ADD2: variants seen among roughly 807,000 people sequenced by gnomAD.
ADD2 encodes adducin 2, also known as beta-adducin.
ADD2 carries 23 observed loss-of-function variants against 83.0 expected under a neutral mutation model. The ratio of observed to expected loss-of-function variants is 0.28; its 90% CI spans 0.20 to 0.39. The LOEUF (loss-of-function observed/expected upper bound fraction) is 0.39, where lower values mean the gene tolerates loss of function less well. ADD2 is among the 10% of genes least tolerant of loss of function. ADD2 has a pLI of 1.00. For synonymous variants in ADD2, 375 were observed against 375.4 expected (o/e 1.00, Z 0.01); for missense variants, 758 against 944.9 (o/e 0.80, Z 2.59).
chr2:70,676,276 A>G lies in ADD2; in HGVS notation c.1593+520T>C, dbSNP rs577921768. The G allele has an allele frequency of 7.9e-5, 79 of 994,258 alleles. No individual in the cohort carries two copies. The African/African-American group carries it at 9.9e-4, about 12-fold the overall frequency. 61.6% of individuals were successfully genotyped at this position (994,258 alleles called of 1,614,324 possible). A position where few individuals can be genotyped will look rare whatever the true frequency, so the allele number is the denominator to read the frequency against. On this transcript the variant is annotated intron_variant, in intron 13 of 15. Transcript: ENST00000264436. This position sits in a 1 kb window ranked among gnomAD's most constrained non-coding sequence, Gnocchi z 4.8. The stretch of plus-strand genomic sequence containing the variant: ...AACAATTACAATACTTTCTAACTCA[A>G]TGTGGGTTTGTGTGGGTAATATTGT...
chr2:70,762,212 A>G (rs1359961388), intron 1 of ADD2, among the ~76,000 whole-genome samples: 1 of 151,928 alleles, frequency 6.6e-6, no homozygotes, highest in Non-Finnish European at 1.5e-5. Flanking sequence ...CTTAAAATAG[A>G]CAAAAATCAA....
intron 1 of ADD2, among the ~76,000 whole-genome samples, chr2:70,766,749 G>A (rs892536440): frequency 3.3e-5 from 5 of 152,162 alleles, no homozygotes; most frequent in Non-Finnish European, 5.9e-5. Context: ...GGTTACTCGG[G>A]AAGCACGAAA....
intron 9 of ADD2, among the ~76,000 whole-genome samples, chr2:70,687,521 T>C (rs1670798910): frequency 6.6e-6 from 1 of 152,050 alleles, no homozygotes; most frequent in Non-Finnish European, 1.5e-5. Flanking sequence ...AACACTCTGA[T>C]TGGTCTGCTT....
chr2:70,709,830 G>A (rs929175389), intron 2 of ADD2, among the ~76,000 whole-genome samples: 9 of 152,150 alleles, frequency 5.9e-5, no homozygotes, highest in Admixed American at 2.6e-4. Context: ...TCAGTCCCAC[G>A]TGCATGGCGT....
chr2:70,663,445 T>C lies in ADD2; in HGVS notation c.2161A>G (p.Lys721Glu). 1 of 1,613,474 alleles carries C rather than the reference T, an allele frequency of 6.2e-7. No individual in the cohort carries two copies. The highest frequency in any genetic ancestry group is 1.1e-5 in the South Asian group (1 of 91,044). The part of the protein sequence containing the change: ...TPSFLKKSKK[K>E]EKVES ...ATGAATCAGGACTCCACTTTCTCCT[T>C]CTTTTTGCTCTTTTTCAGGAAGGAG... is the stretch of plus-strand genomic sequence containing the variant. The change falls in exon 16 of 16, where the codon AAG becomes GAG. Residue 721 changes from lysine to glutamate, a missense_variant. By Grantham distance (56) the Lys-to-Glu change is moderately conservative. This residue lies in a region of ADD2 where 165 missense variants were observed against 176.2 expected (regional missense o/e 0.94). Transcript: ENST00000264436.
intron 4 of ADD2, among the ~76,000 whole-genome samples, chr2:70,701,670 G>C (rs1319564838): frequency 6.6e-6 from 1 of 152,032 alleles, no homozygotes; most frequent in Non-Finnish European, 1.5e-5. Flanking sequence ...TAAGGGGCTA[G>C]TGTATACACA....
intron 1 of ADD2, among the ~76,000 whole-genome samples, chr2:70,732,717 G>A (rs1436408681): frequency 6.6e-6 from 1 of 152,176 alleles, no homozygotes; most frequent in Non-Finnish European, 1.5e-5. Flanking sequence ...GCCAGCTAAA[G>A]TCTCCTCTGA....
chr2:70,722,693 G>C (rs1553377582), intron 1 of ADD2, among the ~76,000 whole-genome samples: 2 of 150,646 alleles, frequency 1.3e-5, no homozygotes, highest in African/African-American at 4.9e-5. Flanking sequence ...TTTTCACTCA[G>C]TGTATATCTC....
intron 1 of ADD2, among the ~76,000 whole-genome samples, chr2:70,716,772 C>T (rs1553376425): frequency 6.6e-6 from 1 of 152,164 alleles, no homozygotes; most frequent in Non-Finnish European, 1.5e-5. Flanking sequence ...GGGTAAGGTG[C>T]TGAGTGTTCA....
chr2:70,677,476 A>G (rs1300471394), intron 12 of ADD2, among the ~76,000 whole-genome samples: 1 of 152,244 alleles, frequency 6.6e-6, no homozygotes, highest in African/African-American at 2.4e-5. Context: ...GCCAAAAGGA[A>G]AATGGTATAA....
At chr2:70,752,933 C>T (rs1259034427) in intron 1 of ADD2, among the ~76,000 whole-genome samples, 2 of 152,144 alleles carry the variant, frequency 1.3e-5, no homozygotes, top group Non-Finnish European at 2.9e-5. Flanking sequence ...TCAGTGTGTA[C>T]AGTAAAGTTC....
chr2:70,667,129 T>C (rs1190759619), intron 15 of ADD2, among the ~76,000 whole-genome samples: 1 of 152,146 alleles, frequency 6.6e-6, no homozygotes, highest in Admixed American at 6.5e-5. Flanking sequence ...ACTCACCTTC[T>C]AGCCTCTTCT....
chr2:70,695,178 A>T (rs3755373), intron 6 of ADD2, among the ~76,000 whole-genome samples: 41,421 of 152,014 alleles, frequency 0.27, 7,030 homozygotes, highest in Non-Finnish European at 0.39. Context: ...TAGCAGCCAC[A>T]GCCCATGTAT....
rs947404308 is a variant in ADD2, at chr2:70,742,171, G to A, written c.-154+25715C>T. ...TGTGCTAATTCTTCTTTTCCTTGAC[G>A]TCAGAATAAAGCTTCCCTGCCTATG... On this transcript the variant is annotated intron_variant, in intron 1 of 15. Transcript: ENST00000264436. Among the ~76,000 whole-genome samples the A allele has an allele frequency of 3.3e-5, 5 of 152,140 alleles. No homozygotes were observed. The South Asian group carries it at 6.2e-4, about 19-fold the overall frequency.
In ADD2 at chr2:70,663,650, C is replaced by T. The variant is rs1553365522; in HGVS notation, c.1956G>A (p.Arg652=). Residue 652 remains arginine (R), a synonymous_variant, in exon 16 of 16, where the codon AGG becomes AGA. Coordinates refer to ENST00000264436, the MANE Select transcript of ADD2 (RefSeq NM_001617.4). Reference sequence around the variant, plus strand: ...TTTCCTCTGCCGTCTGCTCCTCCTCCCTCCCGTTGACCACCACCCCTTCCG... The same window carrying T: ...TTTCCTCTGCCGTCTGCTCCTCCTCTCTCCCGTTGACCACCACCCCTTCCG... ...TQPEGVVVNG[R]EEEQTAEEIL... The T allele has an allele frequency of 8.7e-6, 14 of 1,614,160 alleles. No homozygotes were observed. The highest frequency in any genetic ancestry group is 1.0e-5 in the Non-Finnish European group (12 of 1,180,038).
rs1675558472 is a variant in ADD2, at chr2:70,662,118, A to G, written c.*1307T>C. 6.6e-6 allele frequency: 1 copy of G among 152,260 alleles called. No individual in the cohort carries two copies. Among genetic ancestry groups the G allele is most frequent in the African/African-American group, 2.4e-5 (1 of 41,478 alleles). The allele number at this position is 152,260 out of a possible 1,614,324, so 9.4% of individuals were successfully genotyped here. ...AGATCAAAAGGAAAAATATTCTTTCAAGACACGGTGCTTTCAAGAGAATGG... is the reference window on the plus strand; with the variant it reads ...AGATCAAAAGGAAAAATATTCTTTCGAGACACGGTGCTTTCAAGAGAATGG... On this transcript the variant is annotated 3_prime_UTR_variant, in exon 16 of 16. Transcript: ENST00000264436.
chr2:70,702,320 C>T (rs1553373595), intron 4 of ADD2, among the ~76,000 whole-genome samples: 1 of 152,076 alleles, frequency 6.6e-6, no homozygotes, highest in Non-Finnish European at 1.5e-5. Context: ...GCATGCAACA[C>T]CATGCCTGGC....
In ADD2 at chr2:70,678,892, C is replaced by G; in HGVS notation, c.1195G>C (p.Glu399Gln). 6.2e-7 allele frequency: 1 copy of G among 1,614,178 alleles called. No individual in the cohort carries two copies. The highest frequency in any genetic ancestry group is 8.5e-7 in the Non-Finnish European group (1 of 1,180,036). ...QEKTKHKSEVEIPATVTAFVF... is the reference protein window; with the variant it reads ...QEKTKHKSEVQIPATVTAFVF... ...AAGGCTGTGACCGTGGCTGGAATCT[C>G]CACCTCACTTTTGTGTTTGGTTTTC... Residue 399 changes from glutamate (E) to glutamine (Q), a missense_variant, in exon 11 of 16, where the codon GAG becomes CAG. By Grantham distance (29) the Glu-to-Gln change is conservative (BLOSUM62 2). Coordinates refer to ENST00000264436, the MANE Select transcript of ADD2 (RefSeq NM_001617.4).
chr2:70,750,814 T>C (rs716418), intron 1 of ADD2, among the ~76,000 whole-genome samples: 57,728 of 151,996 alleles, frequency 0.38, 11,294 homozygotes, highest in African/African-American at 0.48. Flanking sequence ...ATATACTCTG[T>C]AGCATTATAA....
Sources: gnomAD v4.1 joint callset for allele counts (sites outside exome capture counted in the v4.1 genomes callset) on GRCh38, gnomAD v4.1.1 for gene constraint, gnomAD v4.1.1 regional missense constraint, Gnocchi (gnomAD v3.1) non-coding constraint, MANE v1.5 for transcripts, NCBI Gene and HGNC (gene_info 2026-07-23, HGNC 2026-07-21) for gene names.